The following MAGI2 variants were observed in gnomAD, a reference collection of about 807,000 sequenced individuals.
MAGI2 encodes membrane associated guanylate kinase, WW and PDZ domain containing 2, also known as membrane-associated guanylate kinase, WW and PDZ domain-containing protein 2.
In MAGI2, 35 loss-of-function variants were observed where a neutral mutation model predicts 133.3. The ratio of observed to expected loss-of-function variants is 0.26; its 90% CI spans 0.20 to 0.35. MAGI2 has a LOEUF of 0.35. Among genes scored for constraint, MAGI2 ranks in the 10% least tolerant of loss-of-function variants. The pLI is 1.00. For synonymous variants in MAGI2, 729 were observed against 710.6 expected (o/e 1.03, Z -0.41); for missense variants, 1,636 against 1,863.4 (o/e 0.88, Z 2.25).
chr7:78,044,429 A>T (rs780513519), intron 21 of MAGI2, among the ~76,000 whole-genome samples: 4 of 152,258 alleles, frequency 2.6e-5, no homozygotes, highest in Non-Finnish European at 5.9e-5. Context: ...GCATTAACAC[A>T]TCTGCAGACT....
At chr7:78,936,510 A>T (rs752553193) in intron 2 of MAGI2, among the ~76,000 whole-genome samples, 22 of 152,020 alleles carry the variant, frequency 1.4e-4, no homozygotes, top group Non-Finnish European at 2.8e-4. Context: ...TGGCATTAAA[A>T]ACATTTTCAA....
intron 2 of MAGI2, among the ~76,000 whole-genome samples, chr7:78,971,677 C>G (rs901023401): frequency 6.6e-6 from 1 of 151,938 alleles, no homozygotes; most frequent in African/African-American, 2.4e-5. Flanking sequence ...TGTAGTACAG[C>G]TCAATGATTA....
Position 78,241,929 on chromosome 7 carries a change from G to C in MAGI2, c.2047+14014C>G, listed in dbSNP as rs534220730. ...AGCCTGGACGACAGAGCGAGAACCC[G>C]TCTCAAAAAAAAAAAAAGATTTCAC... On this transcript the variant is annotated intron_variant, in intron 10 of 21. Coordinates refer to ENST00000354212, the MANE Select transcript of MAGI2 (RefSeq NM_012301.4). Among the ~76,000 whole-genome samples the C allele has an allele frequency of 2.3e-4, 34 of 148,718 alleles. No homozygotes were observed. In the East Asian group the frequency reaches 6.3e-3, roughly 27 times the overall value.
chr7:79,381,196 TTTTG>T (rs1843750602), intron 1 of MAGI2, among the ~76,000 whole-genome samples: 1 of 151,734 alleles, frequency 6.6e-6, no homozygotes, highest in Non-Finnish European at 1.5e-5. Context: ...CATCTCCTTT[TTTTG>T]TTGTTGTTGT....
intron 2 of MAGI2, among the ~76,000 whole-genome samples, chr7:78,892,580 C>T (rs1489694291): frequency 1.3e-5 from 2 of 152,070 alleles, no homozygotes; most frequent in Non-Finnish European, 2.9e-5. Context: ...ATGCTGCATA[C>T]CTACAACCAT....
At chr7:78,094,163 A>C (rs1817496834) in intron 20 of MAGI2, among the ~76,000 whole-genome samples, 2 of 152,100 alleles carry the variant, frequency 1.3e-5, no homozygotes, top group Admixed American at 6.5e-5. Flanking sequence ...GTACCCCTTA[A>C]TTTGGGTTAG....
intron 6 of MAGI2, among the ~76,000 whole-genome samples, chr7:78,388,637 A>C (rs532636656): frequency 1.3e-5 from 2 of 152,226 alleles, no homozygotes; most frequent in Non-Finnish European, 2.9e-5. Flanking sequence ...ATTTGGCCTC[A>C]GAAATGGAAG....
At chr7:78,878,080 C>G (rs187553278) in intron 2 of MAGI2, among the ~76,000 whole-genome samples, 1 of 152,170 alleles carries the variant, frequency 6.6e-6, no homozygotes, top group East Asian at 1.9e-4. Context: ...GGGTAACAAG[C>G]ACCCACAAAG....
In MAGI2 at chr7:79,453,161, A is replaced by C; in HGVS notation, c.160T>G (p.Tyr54Asp). The change falls in exon 1 of 22, where the codon TAT becomes GAT. Residue 54 changes from tyrosine to aspartate, a missense_variant. Tyr to Asp is a radical substitution (Grantham distance 160, BLOSUM62 -3). This residue lies in a region of MAGI2 where 148 missense variants were observed against 239.0 expected (regional missense o/e 0.62). Transcript: ENST00000354212. ...GACACCAATTTGCTGCCGCTCTCAT[A>C]GGCCACCTTGCCGGGCTTCACCTCC... Reference protein sequence around the residue: ...LGEVKPGKVAYESGSKLVSEE... With the variant: ...LGEVKPGKVADESGSKLVSEE... 6.2e-7 allele frequency: 1 copy of C among 1,613,882 alleles called. No individual in the cohort carries two copies. Among genetic ancestry groups the C allele is most frequent in the Non-Finnish European group, 8.5e-7 (1 of 1,180,006 alleles).
intron 16 of MAGI2, among the ~76,000 whole-genome samples, chr7:78,159,229 C>A (rs142624289): frequency 6.6e-6 from 1 of 152,216 alleles, no homozygotes; most frequent in Non-Finnish European, 1.5e-5. Context: ...TGCTAGGCAG[C>A]GGGCAATGTG....
chr7:78,202,799 T>C (rs920863795), intron 10 of MAGI2, among the ~76,000 whole-genome samples: 44 of 151,968 alleles, frequency 2.9e-4, no homozygotes, highest in Non-Finnish European at 3.7e-4. Flanking sequence ...ACCCAAGAAG[T>C]TGGTAAAATT....
intron 2 of MAGI2, among the ~76,000 whole-genome samples, chr7:78,757,517 G>T (rs1280844209): frequency 6.6e-6 from 1 of 151,982 alleles, no homozygotes; most frequent in Non-Finnish European, 1.5e-5. Flanking sequence ...AAACTTAAAA[G>T]AATTATCTGA....
At chr7:79,317,019 C>CTTTT (rs58130248) in intron 1 of MAGI2, among the ~76,000 whole-genome samples, 27 of 101,736 alleles carry the variant, frequency 2.7e-4, no homozygotes, top group Non-Finnish European at 4.1e-4. Flanking sequence ...TTTTCTTTTT[C>CTTTT]TTTTTTTTTT....
chr7:78,551,258 G>T (rs1374053252), intron 3 of MAGI2, among the ~76,000 whole-genome samples: 1 of 152,082 alleles, frequency 6.6e-6, no homozygotes, highest in Non-Finnish European at 1.5e-5. Context: ...TACTTTAGTG[G>T]GTTGTTTAAA....
At chr7:78,588,076 A>G (rs1584752918) in intron 3 of MAGI2, among the ~76,000 whole-genome samples, 1 of 152,210 alleles carries the variant, frequency 6.6e-6, no homozygotes, top group African/African-American at 2.4e-5. Context: ...TAAAGTAGGG[A>G]ATACAATGCA....
chr7:78,682,962 G>A (rs1815856165), intron 2 of MAGI2, among the ~76,000 whole-genome samples: 2 of 152,136 alleles, frequency 1.3e-5, no homozygotes, highest in South Asian at 4.1e-4. Context: ...GAAATCTTTT[G>A]TGGCTCTGTA....
At chr7:78,986,461 G>A (rs964053565) in intron 2 of MAGI2, among the ~76,000 whole-genome samples, 1 of 151,760 alleles carries the variant, frequency 6.6e-6, no homozygotes, top group Non-Finnish European at 1.5e-5. Context: ...TATCCTATTT[G>A]CTCTATCTCT....
intron 2 of MAGI2, among the ~76,000 whole-genome samples, chr7:78,681,082 C>T (rs1398976678): frequency 6.6e-6 from 1 of 152,094 alleles, no homozygotes; most frequent in Admixed American, 6.6e-5. Flanking sequence ...TTTAAAATGT[C>T]TTCCTTCACC....
chr7:79,028,269 G>GTATGTATATATATATATATATATATA (rs1562805339), intron 1 of MAGI2, among the ~76,000 whole-genome samples: 11 of 21,354 alleles, frequency 5.2e-4, no homozygotes, highest in African/African-American at 1.6e-3. Context: ...ATATATATAT[G>GTATGTATATATATATATATATATATA]TATGTATGTA....
Sources: allele counts gnomAD v4.1 joint callset (sites outside exome capture counted in the v4.1 genomes callset), GRCh38; gene constraint gnomAD v4.1.1; regional missense constraint gnomAD v4.1.1; transcripts MANE v1.5; gene names NCBI Gene and HGNC (gene_info 2026-07-23, HGNC 2026-07-21).